DNAH17: variants seen among roughly 807,000 people sequenced by gnomAD.
DNAH17 encodes the protein axonemal beta dynein heavy chain 17.
Under a neutral mutation model 485.6 loss-of-function variants are expected in DNAH17, and 376 were observed. That is an observed-to-expected ratio of 0.77 (90% confidence interval 0.71 to 0.84). The LOEUF is 0.84. Ranked by LOEUF, DNAH17 falls within the 40% of genes least tolerant of loss-of-function variation. The pLI is 0.00. For synonymous variants in DNAH17, 3,031 were observed against 2,405.9 expected (o/e 1.26, Z -7.60); for missense variants, 6,370 against 5,839.3 (o/e 1.09, Z -2.96).
At chr17:78,543,071 G>A (rs749973954) in intron 17 of DNAH17, among the ~76,000 whole-genome samples, 69 of 152,142 alleles carry the variant, frequency 4.5e-4, no homozygotes, top group Non-Finnish European at 8.5e-4. Flanking sequence ...AGCAAGGGTG[G>A]TCTACTACTT....
rs2091957510 is a variant in DNAH17 at position 78,553,567 on chromosome 17, C to T, written c.2179-762G>A. Among the ~76,000 whole-genome samples the T allele has an allele frequency of 2.0e-5, 3 of 151,694 alleles. No homozygotes were observed. In the South Asian group the frequency reaches 6.2e-4, roughly 31 times the overall value. The stretch of plus-strand genomic sequence containing the variant: ...TCCACCCACCTTGGCCTCTCAAAGT[C>T]CCAGGTGTCAAGTATTTCTTTATAG... On this transcript the variant is annotated intron_variant, in intron 14 of 80. Transcript: ENST00000389840.
At chr17:78,482,963 G>A (rs149787904) in intron 48 of DNAH17, among the ~76,000 whole-genome samples, 18 of 152,274 alleles carry the variant, frequency 1.2e-4, no homozygotes, top group Non-Finnish European at 2.2e-4. Context: ...GCACATGACC[G>A]TGTGCAACCC....
chr17:78,526,856 G>T, intron 23 of DNAH17, 24 bp downstream of exon 23: 4 of 1,558,206 alleles, frequency 2.6e-6, no homozygotes, highest in Non-Finnish European at 3.5e-6. Flanking sequence ...CGGAAATCCC[G>T]CCACCCTGCC....
At chr17:78,445,760 G>A (rs994706657) in intron 69 of DNAH17, 80 bp from the exon 70 acceptor site, 28 of 1,498,780 alleles carry the variant, frequency 1.9e-5, no homozygotes, top group African/African-American at 8.3e-5. Flanking sequence ...TGGACTCGAA[G>A]AGGAGTTCAC....
chr17:78,538,829 T>C (rs1236841837), intron 18 of DNAH17, among the ~76,000 whole-genome samples: 2 of 152,152 alleles, frequency 1.3e-5, no homozygotes, highest in Admixed American at 6.5e-5. Flanking sequence ...CCCTCCCTGG[T>C]CGGTACAAGG....
chr17:78,477,269 A>G (rs1390614793), intron 51 of DNAH17, among the ~76,000 whole-genome samples: 1 of 152,238 alleles, frequency 6.6e-6, no homozygotes, highest in East Asian at 1.9e-4. Flanking sequence ...AGGTAATTGC[A>G]CACTATGGTG....
intron 56 of DNAH17, among the ~76,000 whole-genome samples, chr17:78,465,364 G>C (rs2088372972): frequency 6.6e-6 from 1 of 151,708 alleles, no homozygotes; most frequent in Non-Finnish European, 1.5e-5. Context: ...CGTCTGGGAA[G>C]TGAGGAGCGT....
At chr17:78,451,924 CCTCTGGCGATA>C (rs1472508026) in intron 65 of DNAH17, among the ~76,000 whole-genome samples, 1 of 152,036 alleles carries the variant, frequency 6.6e-6, no homozygotes, top group Non-Finnish European at 1.5e-5. Context: ...GGTTTACACC[CCTCTGGCGATA>C]CTCTGTCCTC....
chr17:78,509,510 A>G (rs1242517897), intron 27 of DNAH17, among the ~76,000 whole-genome samples: 1 of 152,216 alleles, frequency 6.6e-6, no homozygotes, highest in Non-Finnish European at 1.5e-5. Context: ...AATTATATCT[A>G]ATAAAGTTTT....
intron 66 of DNAH17, among the ~76,000 whole-genome samples, 151 bp from the exon 67 acceptor site, chr17:78,450,997 C>A (rs1250629233): frequency 6.6e-6 from 1 of 152,204 alleles, no homozygotes; most frequent in Non-Finnish European, 1.5e-5. Flanking sequence ...AGAAGCAGAG[C>A]CCCTGGAACC....
rs541273552 is a variant in DNAH17, at chr17:78,485,800, C to T, written c.7276-43G>A. On this transcript the variant is annotated intron_variant, in intron 46 of 80. Transcript: ENST00000389840. ...AGGGGAGGGAGCTGTGATTCTCAGA[C>T]ACTTCTGCCTCTCGTGGGTGTGCAG... 6.6e-4 allele frequency: 1,052 copies of T among 1,600,332 alleles called. 22 individuals are homozygous for T. In the South Asian group the frequency reaches 0.011, roughly 17 times the overall value.
Position 78,486,274 on chromosome 17 carries a change from A to AGTACAGCTC in DNAH17, c.7042_7050dup (p.Glu2348_Tyr2350dup). 8.1e-6 allele frequency: 13 copies of AGTACAGCTC among 1,605,290 alleles called. No individual in the cohort carries two copies. Among genetic ancestry groups the AGTACAGCTC allele is most frequent in the Non-Finnish European group, 1.1e-5 (13 of 1,173,454 alleles). The stretch of plus-strand genomic sequence containing the variant: ...AAGGCCCAGAAGCAGGTGAACACGA[A>AGTACAGCTC]GTACAGCTCGTACAGCTCCCTGGGG... On this transcript the variant is annotated inframe_insertion, in exon 45 of 81. Transcript: ENST00000389840.
intron 44 of DNAH17, 52 bp from the exon 45 acceptor site, chr17:78,486,558 G>C: frequency 6.5e-7 from 1 of 1,550,020 alleles, no homozygotes; most frequent in Non-Finnish European, 8.7e-7. Context: ...GGGTCTGCCA[G>C]TGTCCCTGCC....
In DNAH17 at chr17:78,507,344, G is replaced by A. The variant is rs868039626; in HGVS notation, c.4610C>T (p.Thr1537Ile). ...FKALMEDAVK[T>I]PNVVEATSKP... ...GCTGGTGGCTTCCACCACGTTGGGT[G>A]TTTTCACTGCATCTTCCATCAAGGC... Residue 1537 changes from threonine to isoleucine, a missense_variant, in exon 29 of 81, where the codon ACA becomes ATA. By Grantham distance (89) the Thr-to-Ile change is moderately conservative. Coordinates refer to ENST00000389840, the MANE Select transcript of DNAH17 (RefSeq NM_173628.4). 6.2e-6 allele frequency: 10 copies of A among 1,613,904 alleles called. No individual in the cohort carries two copies. Among genetic ancestry groups the A allele is most frequent in the African/African-American group, 4.0e-5 (3 of 74,928 alleles).
At chr17:78,478,607 AC>A (rs1453830415) in intron 51 of DNAH17, among the ~76,000 whole-genome samples, 1 of 133,156 alleles carries the variant, frequency 7.5e-6, no homozygotes, top group African/African-American at 3.6e-5. Context: ...TGTCACCACC[AC>A]CGTCATCACC....
At chr17:78,522,344 C>T (rs691336) in intron 25 of DNAH17, 92,298 of 283,960 alleles carry the variant, frequency 0.33, 16,384 homozygotes, top group East Asian at 0.55. Flanking sequence ...ATAGTTTCTA[C>T]TCCTGAGCAA....
At chr17:78,559,086 G>A (rs553890633) in intron 13 of DNAH17, among the ~76,000 whole-genome samples, 6 of 152,268 alleles carry the variant, frequency 3.9e-5, no homozygotes, top group African/African-American at 1.4e-4. Context: ...GTTGAATGAG[G>A]TGTGATGTCA....
At chr17:78,437,392 A>T (rs1285171883) in intron 74 of DNAH17, among the ~76,000 whole-genome samples, 2 of 152,008 alleles carry the variant, frequency 1.3e-5, no homozygotes, top group African/African-American at 4.8e-5. Context: ...AGAACTGATT[A>T]AAAACTATGT....
chr17:78,485,454 T>G (rs930134499), intron 47 of DNAH17, 96 bp downstream of exon 47: 16 of 1,202,972 alleles, frequency 1.3e-5, no homozygotes, highest in Non-Finnish European at 1.9e-5. Flanking sequence ...GCAAAGTGGC[T>G]AGTGAGTGCC....
Sources: gnomAD v4.1 joint callset for allele counts (sites outside exome capture counted in the v4.1 genomes callset) on GRCh38, gnomAD v4.1.1 for gene constraint, MANE v1.5 for transcripts, NCBI Gene and HGNC (gene_info 2026-07-23, HGNC 2026-07-21) for gene names.